CTNNA3: variants seen among roughly 807,000 people sequenced by gnomAD.
CTNNA3 encodes the protein catenin alpha-3.
CTNNA3 carries 76 observed loss-of-function variants against 95.7 expected under a neutral mutation model. The observed-to-expected ratio is 0.79, with a 90% CI of 0.66 to 0.96. CTNNA3 has a LOEUF of 0.96. Among genes scored for constraint, CTNNA3 ranks in the 40% least tolerant of loss-of-function variants. The pLI is 0.00. For synonymous variants in CTNNA3, 431 were observed against 374.4 expected, an observed-to-expected ratio of 1.15 and a Z score of -1.74; for missense variants, 1,191 against 1,089.8, an observed-to-expected ratio of 1.09 and a Z score of -1.31.
At position 66,867,178 on chromosome 10, in the gene CTNNA3, A is replaced by G. The variant is rs140707050; in HGVS notation, c.1048-91654T>C. ...ATGTCTTCATCAGCAGTGTGAAAAC[A>G]GAATAATACAATAACTATATACATT... On this transcript the variant is annotated intron_variant, in intron 7 of 17. Transcript: ENST00000433211. Among the ~76,000 whole-genome samples the G allele has an allele frequency of 3.3e-3, 503 of 152,158 alleles. 3 individuals carry two copies. Among genetic ancestry groups the G allele is most frequent in the African/African-American group, 0.012 (477 of 41,442 alleles).
At chr10:66,234,792 C>G (rs1156740665) in intron 13 of CTNNA3, among the ~76,000 whole-genome samples, 1 of 152,156 alleles carries the variant, frequency 6.6e-6, no homozygotes, top group East Asian at 1.9e-4. Context: ...GAACTATTAA[C>G]TTGTTTCTTA....
At chr10:66,151,297 A>G (rs2084187127) in intron 13 of CTNNA3, among the ~76,000 whole-genome samples, 1 of 151,994 alleles carries the variant, frequency 6.6e-6, no homozygotes, top group African/African-American at 2.4e-5. Flanking sequence ...AGATAAGATA[A>G]AGTTTTCACG....
intron 5 of CTNNA3, among the ~76,000 whole-genome samples, chr10:67,328,181 G>T (rs1841626659): frequency 6.6e-6 from 1 of 152,172 alleles, no homozygotes; most frequent in South Asian, 2.1e-4. Flanking sequence ...CCTAAAGAAA[G>T]CTGCAGTATG....
chr10:66,288,528 T>A (rs1451987680), intron 12 of CTNNA3, among the ~76,000 whole-genome samples: 6 of 152,140 alleles, frequency 3.9e-5, no homozygotes, highest in Non-Finnish European at 8.8e-5. Context: ...TTTAATACAG[T>A]GGCCACCAGA....
chr10:67,045,422 T>G (rs1854667619), intron 7 of CTNNA3, among the ~76,000 whole-genome samples: 1 of 152,148 alleles, frequency 6.6e-6, no homozygotes, highest in South Asian at 2.1e-4. Flanking sequence ...GTTTTTTTGT[T>G]GTTGTTGTTT....
At chr10:66,836,191 A>G (rs563310689) in intron 7 of CTNNA3, among the ~76,000 whole-genome samples, 1 of 152,110 alleles carries the variant, frequency 6.6e-6, no homozygotes, top group Non-Finnish European at 1.5e-5. Flanking sequence ...AGAGGTGTAC[A>G]CAGTCCATGT....
chr10:66,083,451 G>C (rs56169116), intron 14 of CTNNA3, among the ~76,000 whole-genome samples: 2 of 151,934 alleles, frequency 1.3e-5, no homozygotes, highest in African/African-American at 4.8e-5. Flanking sequence ...TTGGTTTCAC[G>C]TGAGGGTCAA....
chr10:67,704,139 A>G (rs1420042361), intron 1 of CTNNA3, among the ~76,000 whole-genome samples: 1 of 152,226 alleles, frequency 6.6e-6, no homozygotes, highest in East Asian at 1.9e-4. Flanking sequence ...ATACAAACAA[A>G]TGGAAGAACA....
At chr10:67,197,777 A>T (rs759128452) in intron 6 of CTNNA3, among the ~76,000 whole-genome samples, 5 of 152,278 alleles carry the variant, frequency 3.3e-5, no homozygotes, top group Non-Finnish European at 7.4e-5. Flanking sequence ...ATTAACTCAA[A>T]TGTTTCTAAG....
intron 15 of CTNNA3, among the ~76,000 whole-genome samples, chr10:66,034,600 A>C (rs2079523763): frequency 6.6e-6 from 1 of 152,194 alleles, no homozygotes; most frequent in Non-Finnish European, 1.5e-5. Context: ...ATAATTTCTA[A>C]CTTCACACTA....
intron 10 of CTNNA3, among the ~76,000 whole-genome samples, chr10:66,575,756 T>C (rs1842985664): frequency 6.6e-6 from 1 of 152,088 alleles, no homozygotes; most frequent in African/African-American, 2.4e-5. Context: ...AATGAGGATA[T>C]AGGCTCAAAG....
chr10:66,553,524 T>TC (rs1338235049), intron 10 of CTNNA3, among the ~76,000 whole-genome samples: 1 of 118,402 alleles, frequency 8.4e-6, no homozygotes, highest in Non-Finnish European at 1.8e-5. Context: ...TTTCTTTTTT[T>TC]TTTTTTTTTT....
chr10:66,178,612 A>T (rs2085870075), intron 13 of CTNNA3, among the ~76,000 whole-genome samples: 1 of 151,366 alleles, frequency 6.6e-6, no homozygotes, highest in Non-Finnish European at 1.5e-5. Flanking sequence ...GAACTCTGTT[A>T]AGAGGATTCA....
At chr10:66,233,085 G>A (rs10822767) in intron 13 of CTNNA3, among the ~76,000 whole-genome samples, 49,302 of 146,734 alleles carry the variant, frequency 0.34, 8,553 homozygotes, top group South Asian at 0.46. Flanking sequence ...GCGTGAACCC[G>A]GGAGGCGGAG....
chr10:67,581,898 T>C (rs1463623470), intron 3 of CTNNA3, among the ~76,000 whole-genome samples: 1 of 152,156 alleles, frequency 6.6e-6, no homozygotes, highest in Non-Finnish European at 1.5e-5. Context: ...GTGGTATCAA[T>C]GATGATATCC....
chr10:67,676,105 G>A (rs1255117457), intron 1 of CTNNA3, among the ~76,000 whole-genome samples: 1 of 152,012 alleles, frequency 6.6e-6, no homozygotes, highest in Admixed American at 6.6e-5. Flanking sequence ...TTTACCCAAG[G>A]ATGGCTACTT....
intron 5 of CTNNA3, among the ~76,000 whole-genome samples, chr10:67,434,862 A>C (rs1013939913): frequency 1.3e-5 from 2 of 152,010 alleles, no homozygotes; most frequent in Non-Finnish European, 2.9e-5. Context: ...CCCAGATTTG[A>C]AAGTATTACT....
At chr10:67,319,415 C>T (rs1453376388) in intron 5 of CTNNA3, among the ~76,000 whole-genome samples, 2 of 152,084 alleles carry the variant, frequency 1.3e-5, no homozygotes, top group African/African-American at 4.8e-5. Context: ...CGGTAGCACA[C>T]TAAAATTTAC....
intron 15 of CTNNA3, among the ~76,000 whole-genome samples, chr10:66,024,795 A>G (rs1564586219): frequency 6.6e-6 from 1 of 152,202 alleles, no homozygotes; most frequent in Non-Finnish European, 1.5e-5. Context: ...AAGTTGCACG[A>G]GTAAATAAAA....
Sources: gnomAD v4.1 joint callset for allele counts (sites outside exome capture counted in the v4.1 genomes callset) on GRCh38, gnomAD v4.1.1 for gene constraint, MANE v1.5 for transcripts, NCBI Gene and HGNC (gene_info 2026-07-23, HGNC 2026-07-21) for gene names.